The following PCDH15 variants were observed in gnomAD, a reference collection of about 807,000 sequenced individuals.
PCDH15 encodes protocadherin-15.
PCDH15 carries 129 observed loss-of-function variants against 178.5 expected under a neutral mutation model. The ratio of observed to expected loss-of-function variants is 0.72; its 90% CI spans 0.63 to 0.84. PCDH15 has a LOEUF of 0.84. PCDH15 is among the 40% of genes least tolerant of loss of function. The pLI, the probability that PCDH15 is intolerant of heterozygous loss-of-function variation, is 0.00. For missense variants in PCDH15, 2,230 were observed against 2,099.9 expected (o/e 1.06, Z -1.21); for synonymous variants, 800 against 732.0 (o/e 1.09, Z -1.50).
chr10:55,042,563 T>C (rs1488588694), intron 2 of PCDH15, among the ~76,000 whole-genome samples: 1 of 152,182 alleles, frequency 6.6e-6, no homozygotes, highest in Non-Finnish European at 1.5e-5. Context: ...AGGCATGTTT[T>C]TAGTCTTGTC....
intron 15 of PCDH15, among the ~76,000 whole-genome samples, chr10:54,096,598 T>G (rs1433008385): frequency 6.6e-6 from 1 of 152,176 alleles, no homozygotes; most frequent in Non-Finnish European, 1.5e-5. Flanking sequence ...GCAGATCCCA[T>G]GCACCTTTTG....
At chr10:55,391,531 G>C (rs1440849745) in intron 2 of PCDH15, among the ~76,000 whole-genome samples, 2 of 152,040 alleles carry the variant, frequency 1.3e-5, no homozygotes, top group Non-Finnish European at 2.9e-5. Flanking sequence ...CTGTCGCCCA[G>C]GATGGATTGG....
At chr10:54,901,135 AC>A (rs1240042547) in intron 2 of PCDH15, among the ~76,000 whole-genome samples, 3 of 151,636 alleles carry the variant, frequency 2.0e-5, no homozygotes, top group Non-Finnish European at 2.9e-5. Flanking sequence ...ACAAAGTAAG[AC>A]CCCCCTCCAC....
At chr10:55,307,044 TA>T (rs1398090263) in intron 1 of PCDH15, among the ~76,000 whole-genome samples, 4 of 151,916 alleles carry the variant, frequency 2.6e-5, no homozygotes, top group Non-Finnish European at 5.9e-5. Context: ...ATAATTGTAA[TA>T]ATGCTATCAT....
chr10:55,415,393 C>T lies in PCDH15; in HGVS notation c.-156+212232G>A, dbSNP rs573696125. Among the ~76,000 whole-genome samples, 40 of 151,556 alleles carry T rather than the reference C, an allele frequency of 2.6e-4. 2 individuals carry two copies. Among genetic ancestry groups the T allele is most frequent in the Admixed American group, 1.8e-3 (27 of 15,164 alleles). ...TGGTCATATAATAAACAGAAAATTG[C>T]CCAATATAGTCTATTTTAGGATCCA... On this transcript the variant is annotated intron_variant, in intron 2 of 5. Coordinates refer to the PCDH15 transcript ENST00000613346.
intron 2 of PCDH15, among the ~76,000 whole-genome samples, chr10:55,457,205 T>G (rs1839573770): frequency 6.6e-6 from 1 of 152,054 alleles, no homozygotes; most frequent in Non-Finnish European, 1.5e-5. Flanking sequence ...ACTGAGTCAT[T>G]TATTTAGGGC....
chr10:55,570,354 A>C (rs1842385460), intron 2 of PCDH15, among the ~76,000 whole-genome samples: 1 of 152,022 alleles, frequency 6.6e-6, no homozygotes, highest in Admixed American at 6.6e-5. Context: ...GCTAGTCTTC[A>C]TAAGTGTCTA....
chr10:54,242,179 TATATATATAC>T lies in PCDH15; in HGVS notation c.877-5258_877-5249del, dbSNP rs1564769991. 1.8e-3 allele frequency among the ~76,000 whole-genome samples: 146 copies of T among 82,394 alleles called. 4 individuals carry two copies. The highest frequency in any genetic ancestry group is 6.7e-3 in the African/African-American group (119 of 17,670). The allele number at this position is 82,394 out of a possible 152,430, so 54.1% of individuals were successfully genotyped here. On this transcript the variant is annotated intron_variant, in intron 8 of 37. Transcript: ENST00000644397. Reference sequence around the variant, plus strand: ...ATATATATATATATATATATATATATATATATATACACACACACACATACATACATACACA... The same window carrying T: ...ATATATATATATATATATATATATATACACACACACATACATACATACACA...
chr10:55,243,176 T>C (rs564412618), intron 1 of PCDH15, among the ~76,000 whole-genome samples: 6 of 152,340 alleles, frequency 3.9e-5, no homozygotes, highest in Admixed American at 3.9e-4. Context: ...TTAGCAGCTA[T>C]GCTCATAATG....
At chr10:54,865,895 T>C (rs990833494) in intron 3 of PCDH15, among the ~76,000 whole-genome samples, 6 of 152,216 alleles carry the variant, frequency 3.9e-5, no homozygotes, top group Non-Finnish European at 8.8e-5. Flanking sequence ...ATCTCATGTA[T>C]ACTTCAGTGA....
chr10:54,315,653 T>C (rs1425306091), intron 8 of PCDH15, among the ~76,000 whole-genome samples: 1 of 152,170 alleles, frequency 6.6e-6, no homozygotes, highest in African/African-American at 2.4e-5. Context: ...AGGGTTTTTC[T>C]AGTTTGGAGT....
intron 20 of PCDH15, among the ~76,000 whole-genome samples, chr10:54,012,540 TAGAA>T (rs1180001553): frequency 6.6e-6 from 1 of 151,878 alleles, no homozygotes; most frequent in Admixed American, 6.6e-5. Flanking sequence ...TAAAGGCAGC[TAGAA>T]AGAAAGAGCA....
chr10:54,339,749 A>T (rs951520662), intron 6 of PCDH15, among the ~76,000 whole-genome samples: 12 of 152,280 alleles, frequency 7.9e-5, no homozygotes, highest in African/African-American at 2.9e-4. Context: ...TCTACCTTTG[A>T]TGAATGATCT....
At chr10:54,858,720 G>A (rs572752473) in intron 3 of PCDH15, among the ~76,000 whole-genome samples, 3 of 151,368 alleles carry the variant, frequency 2.0e-5, no homozygotes, top group Non-Finnish European at 4.4e-5. Context: ...ATCCTACCTA[G>A]GTTTGTTTTA....
At chr10:53,969,690 C>T (rs961583415) in intron 21 of PCDH15, among the ~76,000 whole-genome samples, 14 of 152,072 alleles carry the variant, frequency 9.2e-5, no homozygotes, top group Admixed American at 4.6e-4. Context: ...CAGAAGAGAG[C>T]AGGGGACAAT....
chr10:54,151,694 A>G (rs1347009599), intron 14 of PCDH15, among the ~76,000 whole-genome samples: 1 of 152,192 alleles, frequency 6.6e-6, no homozygotes, highest in Non-Finnish European at 1.5e-5. Flanking sequence ...GCAAATGCAA[A>G]ATGTTCTTGG....
intron 3 of PCDH15, among the ~76,000 whole-genome samples, chr10:54,393,714 A>G (rs74136136): frequency 0.055 from 8,387 of 152,204 alleles, 759 homozygotes; most frequent in African/African-American, 0.19. Flanking sequence ...TCCTGATCCA[A>G]ACAAGTGCCC....
At chr10:54,785,758 A>G (rs1162786001) in intron 1 of PCDH15, among the ~76,000 whole-genome samples, 1 of 151,954 alleles carries the variant, frequency 6.6e-6, no homozygotes, top group Non-Finnish European at 1.5e-5. Flanking sequence ...CAGAGCTAAG[A>G]TTTACCGTCA....
chr10:54,603,310 T>A (rs948436184), intron 2 of PCDH15, among the ~76,000 whole-genome samples: 36 of 151,956 alleles, frequency 2.4e-4, no homozygotes, highest in African/African-American at 8.7e-4. Flanking sequence ...TCAGTTTTAT[T>A]TGTCTTTTTC....
Sources: allele counts gnomAD v4.1 joint callset (sites outside exome capture counted in the v4.1 genomes callset), GRCh38; gene constraint gnomAD v4.1.1; transcripts MANE v1.5; gene names NCBI Gene and HGNC (gene_info 2026-07-23, HGNC 2026-07-21).